Variants in ANAPC2 observed in about 807,000 individuals in gnomAD.
ANAPC2 encodes the protein anaphase-promoting complex subunit 2.
A neutral mutation model predicts 84.3 loss-of-function variants in ANAPC2; 29 were observed. The ratio of observed to expected loss-of-function variants is 0.34; its 90% confidence interval spans 0.26 to 0.47. ANAPC2 has a LOEUF of 0.47. ANAPC2 is among the 20% of genes least tolerant of loss of function. The probability of loss-of-function intolerance (pLI) is 1.00; values close to 1 mark genes in which losing one functional copy is unlikely to be tolerated. For missense variants in ANAPC2, 857 were observed against 1,131.7 expected (o/e 0.76, Z 3.48); for synonymous variants, 571 against 479.4 (o/e 1.19, Z -2.50).
At chr9:137,181,067 G>T in intron 7 of ANAPC2, 138 bp from the exon 8 acceptor site, 2 of 1,135,362 alleles carry the variant, frequency 1.8e-6, no homozygotes, top group Non-Finnish European at 2.5e-6. Flanking sequence ...GAGCAGCCCT[G>T]AGCCTCCCGG....
Position 137,181,879 on chromosome 9 carries a change from T to C in ANAPC2, c.1287-17A>G. 1.9e-5 allele frequency: 31 copies of C among 1,594,512 alleles called. No homozygotes were observed. The highest frequency in any genetic ancestry group is 2.6e-5 in the Non-Finnish European group (31 of 1,175,108). On this transcript the variant is annotated splice_polypyrimidine_tract_variant and intron_variant, in intron 6 of 12. Coordinates refer to ENST00000323927, the MANE Select transcript of ANAPC2 (RefSeq NM_013366.4). ...TCCCGCGTCCTGCCGATGTGAGTGCTGCTGTGGCCCACAGTGTGGACACCC... is the reference window on the plus strand; with the variant it reads ...TCCCGCGTCCTGCCGATGTGAGTGCCGCTGTGGCCCACAGTGTGGACACCC...
At chr9:137,186,692 G>A (rs1256885247) in intron 2 of ANAPC2, 13 of 333,064 alleles carry the variant, frequency 3.9e-5, no homozygotes, top group Non-Finnish European at 6.1e-5. Flanking sequence ...ACTCTGAAAC[G>A]ACAACCAACT....
At position 137,184,763 on chromosome 9, in the gene ANAPC2, G is replaced by A. The variant is rs547760330; in HGVS notation, c.1048+150C>T. 6.1e-5 allele frequency: 63 copies of A among 1,030,136 alleles called. No individual in the cohort carries two copies. In the African/African-American group the frequency reaches 6.7e-4, roughly 11 times the overall value. 63.8% of individuals were successfully genotyped at this position (1,030,136 alleles called of 1,614,324 possible). On this transcript the variant is annotated intron_variant, in intron 4 of 12. Coordinates refer to ENST00000323927, the MANE Select transcript of ANAPC2 (RefSeq NM_013366.4). The stretch of plus-strand genomic sequence containing the variant: ...CCAGACGCAGACACAGAGCAGACAC[G>A]GCAAAGGCCCTGGGAGCCCCAGACG...
At position 137,175,245 on chromosome 9, in the gene ANAPC2, C is replaced by T. The variant is rs1196753192; in HGVS notation, c.2248G>A (p.Glu750Lys). 2 of 1,612,166 alleles carry T rather than the reference C, an allele frequency of 1.2e-6. No individual in the cohort carries two copies. Among genetic ancestry groups the T allele is most frequent in the Non-Finnish European group, 1.7e-6 (2 of 1,179,690 alleles). ...MASQADQKEEELLLFWTYIQA... is the reference protein window; with the variant it reads ...MASQADQKEEKLLLFWTYIQA... ...GGGGCCTGCACGCGCACCAGCAGCT[C>T]CTCCTCCTTCTGGTCGGCCTGGGAG... Residue 750 changes from glutamate to lysine, a missense_variant, in exon 12 of 13, where the codon GAG becomes AAG. Coordinates refer to ENST00000323927, the MANE Select transcript of ANAPC2 (RefSeq NM_013366.4).
rs140806206 is a variant in ANAPC2, at chr9:137,175,953, C to T, written c.1891-116G>A. On this transcript the variant is annotated intron_variant, in intron 10 of 12. Transcript: ENST00000323927. ...CCCAGAGCCACCTGCCCCACCCCAC[C>T]CTGGCAGGCAGGTGAGCAGCGAGAG... 7.9e-3 allele frequency: 10,592 copies of T among 1,337,446 alleles called. 606 individuals carry two copies. The South Asian group carries it at 0.12, about 15-fold the overall frequency. 82.8% of individuals were successfully genotyped at this position (1,337,446 alleles called of 1,614,324 possible).
chr9:137,188,538 C>G lies in ANAPC2; in HGVS notation c.-6G>C. ...ACCACAACTGCCGCCGCCATCTGCA[C>G]CCACCGACTCCGAGATTCGCTCGGC... On this transcript the variant is annotated 5_prime_UTR_variant, in exon 1 of 13. Transcript: ENST00000323927. 1 of 1,602,942 alleles carries G rather than the reference C, an allele frequency of 6.2e-7. No homozygotes were observed. The highest frequency in any genetic ancestry group is 8.5e-7 in the Non-Finnish European group (1 of 1,177,104).
intron 12 of ANAPC2, 23 bp from the exon 13 acceptor site, chr9:137,175,177 G>A (rs750489891): frequency 5.5e-5 from 88 of 1,602,974 alleles, no homozygotes; most frequent in East Asian, 4.3e-4. Flanking sequence ...GCCAGCCCCC[G>A]TCAGGCACCT....
rs1389251419 is a variant in ANAPC2, at chr9:137,187,073, G to A, written c.740+408C>T. 3.0e-5 allele frequency: 6 copies of A among 200,156 alleles called. No individual in the cohort carries two copies. The East Asian group carries it at 7.0e-4, about 23-fold the overall frequency. 12.4% of individuals were successfully genotyped at this position (200,156 alleles called of 1,614,324 possible). A position where few individuals can be genotyped will look rare whatever the true frequency, so the allele number is the denominator to read the frequency against. ...TAACAAGAGACTGCTTGCCCTCACA[G>A]TGACCTGATCTTCCTGGAGAGAAGC... On this transcript the variant is annotated intron_variant, in intron 2 of 12. Transcript: ENST00000323927.
intron 3 of ANAPC2, among the ~76,000 whole-genome samples, chr9:137,186,017 C>T (rs1834459153): frequency 1.3e-5 from 2 of 152,202 alleles, no homozygotes; most frequent in African/African-American, 4.8e-5. Flanking sequence ...TGCGCAGATC[C>T]GAAGAGCGCA....
At chr9:137,184,474 C>T (rs1355929705) in intron 4 of ANAPC2, among the ~76,000 whole-genome samples, 1 of 139,926 alleles carries the variant, frequency 7.1e-6, no homozygotes, top group East Asian at 2.1e-4. Context: ...GACGCAGACA[C>T]AGAGCAGACA....
Position 137,186,309 on chromosome 9 carries a change from G to C in ANAPC2, c.788C>G (p.Thr263Ser), listed in dbSNP as rs1206629041. The stretch of plus-strand genomic sequence containing the variant: ...CTCCCGGGTCACCTGGTGCAGGGTG[G>C]TGGTCACAGCCTCGGCACTGACCCG... ...LERVSAEAVT[T>S]TLHQVTRERM... Residue 263 changes from threonine to serine, a missense_variant, in exon 3 of 13, where the codon ACC becomes AGC. Physicochemically the swap from Thr to Ser is moderately conservative, Grantham distance 58 (BLOSUM62 1). This residue lies in a region of ANAPC2 where 428 missense variants were observed against 513.8 expected (regional missense o/e 0.83). Coordinates refer to ENST00000323927, the MANE Select transcript of ANAPC2 (RefSeq NM_013366.4). 6.2e-7 allele frequency: 1 copy of C among 1,611,820 alleles called. No homozygotes were observed. The highest frequency in any genetic ancestry group is 8.5e-7 in the Non-Finnish European group (1 of 1,179,834).
rs73571572 is a variant in ANAPC2 at position 137,181,654 on chromosome 9, G to A, written c.1468+27C>T. ...TGGCTGAAGCGCCCCCCACACTGGT[G>A]AAAGGGACCATGTGGGGCAAGCTAA... On this transcript the variant is annotated intron_variant, in intron 7 of 12. Coordinates refer to ENST00000323927, the MANE Select transcript of ANAPC2 (RefSeq NM_013366.4). The A allele has an allele frequency of 7.0e-6, 11 of 1,563,172 alleles. No individual in the cohort carries two copies. In the East Asian group the frequency reaches 1.6e-4, roughly 23 times the overall value.
rs1834506069 is a variant in ANAPC2 at position 137,187,631 on chromosome 9, G to A, written c.590C>T (p.Pro197Leu). ...SKRKGEGGTDPELEGELDSRY... is the reference protein window; with the variant it reads ...SKRKGEGGTDLELEGELDSRY... ...GCTGTCCAGCTCCCCTTCCAGTTCCGGGTCTGTGCCCCCTTCCCCCTTCCT... is the reference window on the plus strand; with the variant it reads ...GCTGTCCAGCTCCCCTTCCAGTTCCAGGTCTGTGCCCCCTTCCCCCTTCCT... Residue 197 changes from proline to leucine, a missense_variant, in exon 2 of 13, where the codon CCG becomes CTG. This residue lies in a region of ANAPC2 where 428 missense variants were observed against 513.8 expected (regional missense o/e 0.83). Transcript: ENST00000323927. 6.2e-7 allele frequency: 1 copy of A among 1,613,934 alleles called. No individual in the cohort carries two copies. Among genetic ancestry groups the A allele is most frequent in the Non-Finnish European group, 8.5e-7 (1 of 1,180,038 alleles).
At position 137,183,218 on chromosome 9, in the gene ANAPC2, G is replaced by C. The variant is rs1174821826; in HGVS notation, c.1193C>G (p.Thr398Ser). 9.3e-6 allele frequency: 15 copies of C among 1,613,030 alleles called. No individual in the cohort carries two copies. The highest frequency in any genetic ancestry group is 4.0e-5 in the African/African-American group (3 of 74,912). Residue 398 changes from threonine (T) to serine (S), a missense_variant, in exon 6 of 13, where the codon ACC becomes AGC. This residue lies in a region of ANAPC2 where 425 missense variants were observed against 595.5 expected (regional missense o/e 0.71). Transcript: ENST00000323927. ...CGCCTTGATGGCAGAGATATAGAGG[G>C]TGATGATGTCACACGTGTTGACGCC... ...HPGVNTCDII[T>S]LYISAIKALR...
At chr9:137,175,995 GT>G in intron 10 of ANAPC2, 158 bp from the exon 11 acceptor site, 1 of 880,270 alleles carries the variant, frequency 1.1e-6, no homozygotes, top group Non-Finnish European at 1.7e-6. Flanking sequence ...ACTGGGTGGG[GT>G]CCCCACCTGC....
chr9:137,175,822 T>C lies in ANAPC2; in HGVS notation c.1906A>G (p.Ser636Gly), dbSNP rs750164916. ...ACCAGGCCCAGGGTGTGCTTCCAAC[T>C]GAGGGTCCGCATGGCCTAAGGAGGG... Reference protein sequence around the residue: ...YEQLKAMRTLSWKHTLGLVTM... With the variant: ...YEQLKAMRTLGWKHTLGLVTM... Residue 636 changes from serine to glycine, a missense_variant, in exon 11 of 13, where the codon AGT becomes GGT. Around this residue, in one of 3 missense-constraint regions of ANAPC2, gnomAD observed 425 missense variants for 595.5 expected, o/e 0.71. Coordinates refer to ENST00000323927, the MANE Select transcript of ANAPC2 (RefSeq NM_013366.4). 1 of 1,607,282 alleles carries C rather than the reference T, an allele frequency of 6.2e-7. No homozygotes were observed. The highest frequency in any genetic ancestry group is 8.5e-7 in the Non-Finnish European group (1 of 1,177,256).
In ANAPC2 at chr9:137,175,449, T is replaced by C. The variant is rs1229931885; in HGVS notation, c.2044A>G (p.Ser682Gly). The C allele has an allele frequency of 6.3e-7, 1 of 1,591,022 alleles. No individual in the cohort carries two copies. Among genetic ancestry groups the C allele is most frequent in the Non-Finnish European group, 8.5e-7 (1 of 1,170,372 alleles). The change falls in exon 12 of 13, where the codon AGC (serine) becomes GGC (glycine). Residue 682 changes from serine to glycine, a missense_variant. This residue lies in a region of ANAPC2 where 425 missense variants were observed against 595.5 expected (regional missense o/e 0.71). Transcript: ENST00000323927. ...DQASWTLEEL[S>G]KAVKMPVALL... ...GCCACGGGCATCTTCACCGCCTTGC[T>C]CAGTTCCTCCAGGGTCCAGCTGGCT...
rs1834177711 is a variant in ANAPC2 at position 137,175,091 on chromosome 9, A to G, written c.2320T>C (p.Tyr774His). The change falls in exon 13 of 13, where the codon TAC becomes CAC. Residue 774 changes from tyrosine to histidine, a missense_variant. Physicochemically the swap from Tyr to His is moderately conservative, Grantham distance 83 (BLOSUM62 2). Transcript: ENST00000323927. ...NLESLSLDRIYNMLRMFVVTG... is the reference protein window; with the variant it reads ...NLESLSLDRIHNMLRMFVVTG... ...ACCACAAACATGCGGAGCATGTTGT[A>G]GATACGATCCAGTGAGAGGCTCTCC... 8 of 1,609,050 alleles carry G rather than the reference A, an allele frequency of 5.0e-6. No individual in the cohort carries two copies. Among genetic ancestry groups the G allele is most frequent in the Non-Finnish European group, 5.1e-6 (6 of 1,178,352 alleles).
At position 137,187,769 on chromosome 9, in the gene ANAPC2, T is replaced by G. The variant is rs1381937451; in HGVS notation, c.452A>C (p.Glu151Ala). ...TCCGCGCAACATAGTGTGGACTTCT[T>G]CTCGCAGCCCCTGAGCACCAGTGCC... Reference protein sequence around the residue: ...LMGTGAQGLREEVHTMLRGVL... With the variant: ...LMGTGAQGLRAEVHTMLRGVL... Residue 151 changes from glutamate (E) to alanine (A), a missense_variant, in exon 2 of 13, where the codon GAA becomes GCA. By Grantham distance (107) the Glu-to-Ala change is moderately radical. Coordinates refer to ENST00000323927, the MANE Select transcript of ANAPC2 (RefSeq NM_013366.4). The G allele has an allele frequency of 6.2e-7, 1 of 1,613,686 alleles. No individual in the cohort carries two copies. The highest frequency in any genetic ancestry group is 8.5e-7 in the Non-Finnish European group (1 of 1,180,030).
Sources: allele counts gnomAD v4.1 joint callset (sites outside exome capture counted in the v4.1 genomes callset), GRCh38; gene constraint gnomAD v4.1.1; regional missense constraint gnomAD v4.1.1; transcripts MANE v1.5; gene names NCBI Gene and HGNC (gene_info 2026-07-23, HGNC 2026-07-21).